MBNL2: variants seen among roughly 807,000 people sequenced by gnomAD.
MBNL2 encodes muscleblind-like protein 2.
MBNL2 carries 17 observed loss-of-function variants against 41.9 expected under a neutral mutation model. The observed-to-expected ratio is 0.41, with a 90% CI of 0.28 to 0.61. The LOEUF is 0.61. Among genes scored for constraint, MBNL2 ranks in the 20% least tolerant of loss-of-function variants. MBNL2 has a pLI of 0.35. For synonymous variants in MBNL2, 195 were observed against 182.9 expected (o/e 1.07, Z -0.53); for missense variants, 336 against 505.6 (o/e 0.66, Z 3.22).
intron 1 of MBNL2, among the ~76,000 whole-genome samples, chr13:97,238,058 A>C (rs2043616578): frequency 6.6e-6 from 1 of 152,246 alleles, no homozygotes; most frequent in Non-Finnish European, 1.5e-5. Flanking sequence ...CCAATGGCAT[A>C]AACACACAGG....
At chr13:97,377,421 A>C (rs2065059842) in intron 8 of MBNL2, among the ~76,000 whole-genome samples, 1 of 152,224 alleles carries the variant, frequency 6.6e-6, no homozygotes, top group South Asian at 2.1e-4. Context: ...TTCAGCTTGA[A>C]TATGCAGGTT....
At chr13:97,208,104 T>G in the MBNL2 span, among the ~76,000 whole-genome samples, 25 of 152,180 alleles carry the variant, frequency 1.6e-4, no homozygotes, top group Admixed American at 5.2e-4. Flanking sequence ...TGGTGTTGAG[T>G]CCGTGAAATT....
intron 2 of MBNL2, among the ~76,000 whole-genome samples, chr13:97,329,741 C>T (rs891094380): frequency 0.035 from 5 of 142 alleles, no homozygotes; most frequent in Non-Finnish European, 0.078. Flanking sequence ...ACAACACATA[C>T]ACCATACATA....
intron 2 of MBNL2, among the ~76,000 whole-genome samples, chr13:97,296,230 A>T (rs1223912257): frequency 2.0e-5 from 3 of 152,196 alleles, no homozygotes; most frequent in Admixed American, 2.0e-4. Context: ...TCTCTGAAAG[A>T]TTTAGAACTG....
intron 1 of MBNL2, among the ~76,000 whole-genome samples, chr13:97,261,717 C>G (rs942431315): frequency 6.6e-6 from 1 of 152,198 alleles, no homozygotes; most frequent in Non-Finnish European, 1.5e-5. Context: ...ACCACTTTTG[C>G]AGCAGGTAAA....
intron 2 of MBNL2, among the ~76,000 whole-genome samples, chr13:97,322,907 C>T (rs2059621313): frequency 6.6e-6 from 1 of 152,148 alleles, no homozygotes; most frequent in Non-Finnish European, 1.5e-5. Flanking sequence ...CAGTGTGCAC[C>T]ACAGCTAGTC....
chr13:97,186,400 T>G, the MBNL2 span, among the ~76,000 whole-genome samples: 38 of 152,146 alleles, frequency 2.5e-4, no homozygotes, highest in African/African-American at 8.9e-4. Context: ...GTACACTCTA[T>G]TTTCCTGCTC....
In MBNL2 at chr13:97,295,167, A is replaced by G. The variant is rs1471297091; in HGVS notation, c.174+18758A>G. ...GAAGAGGAAGTAACTTGCTCTGTGT[A>G]AAGAACAGGGCCAATGAATGAGATC... On this transcript the variant is annotated intron_variant, in intron 2 of 8. Coordinates refer to ENST00000679496, the MANE Select transcript of MBNL2 (RefSeq NM_001382683.1). Among the ~76,000 whole-genome samples, 5 of 152,234 alleles carry G rather than the reference A, an allele frequency of 3.3e-5. 1 individual carries two copies. Among genetic ancestry groups the G allele is most frequent in the Non-Finnish European group, 7.3e-5 (5 of 68,028 alleles).
chr13:97,238,837 TG>T (rs1209461376), intron 1 of MBNL2, among the ~76,000 whole-genome samples: 4 of 152,140 alleles, frequency 2.6e-5, no homozygotes, highest in Non-Finnish European at 4.4e-5. Context: ...GGCTGCCTGC[TG>T]GGGATTCATG....
At chr13:97,145,306 C>A in the MBNL2 span, among the ~76,000 whole-genome samples, 7 of 151,270 alleles carry the variant, frequency 4.6e-5, no homozygotes, top group Admixed American at 4.6e-4. Context: ...CAGATAGAAG[C>A]TAAACAAAGG....
the MBNL2 span, among the ~76,000 whole-genome samples, chr13:97,176,169 G>A: frequency 6.6e-6 from 1 of 152,046 alleles, no homozygotes; most frequent in Non-Finnish European, 1.5e-5. Flanking sequence ...GGACATGCTG[G>A]GTCTGACAAG....
intron 3 of MBNL2, among the ~76,000 whole-genome samples, chr13:97,335,757 A>C (rs1594227826): frequency 2.0e-5 from 3 of 152,308 alleles, no homozygotes; most frequent in African/African-American, 7.2e-5. Flanking sequence ...AGGGTGAGTA[A>C]GAATTCGCCC....
Position 97,334,148 on chromosome 13 carries a change from CCA to C in MBNL2, c.175-101_175-100del, listed in dbSNP as rs34820289. On this transcript the variant is annotated intron_variant, in intron 2 of 8. Coordinates refer to ENST00000679496, the MANE Select transcript of MBNL2 (RefSeq NM_001382683.1). This position sits in a 1 kb window ranked among gnomAD's most constrained non-coding sequence, Gnocchi z 5.3. ...AACACATGAGCATGCGCGCGCACAC[CCA>C]CACACACACACACACACACACACAC... 84,579 of 519,726 alleles carry C rather than the reference CCA, an allele frequency of 0.16. 3,451 individuals carry two copies. The highest frequency in any genetic ancestry group is 0.35 in the African/African-American group (17,004 of 49,280). The allele number at this position is 519,726 out of a possible 1,614,324, so 32.2% of individuals were successfully genotyped here.
At chr13:97,186,820 T>C in the MBNL2 span, among the ~76,000 whole-genome samples, 1 of 152,154 alleles carries the variant, frequency 6.6e-6, no homozygotes, top group Non-Finnish European at 1.5e-5. Flanking sequence ...AATACAGGCA[T>C]TGATATTTTG....
intron 2 of MBNL2, among the ~76,000 whole-genome samples, chr13:97,295,694 C>A (rs1349672191): frequency 6.6e-6 from 1 of 152,038 alleles, no homozygotes; most frequent in Non-Finnish European, 1.5e-5. Flanking sequence ...CAGGAGATGA[C>A]AGGATAGGAC....
chr13:97,169,468 C>A, the MBNL2 span, among the ~76,000 whole-genome samples: 1 of 152,206 alleles, frequency 6.6e-6, no homozygotes, highest in African/African-American at 2.4e-5. Context: ...CATGTGTCCC[C>A]AACCAGAGGC....
intron 5 of MBNL2, among the ~76,000 whole-genome samples, chr13:97,350,389 TAATTTCTTAAAAATAC>T (rs1329347489): frequency 9.9e-5 from 15 of 152,228 alleles, no homozygotes; most frequent in Non-Finnish European, 1.3e-4. Flanking sequence ...ATGGCTGTGG[TAATTTCTTAAAAATAC>T]AATTTCTTAA....
upstream of MBNL2, among the ~76,000 whole-genome samples, chr13:97,217,850 A>G (rs1238577483): frequency 6.6e-6 from 1 of 152,054 alleles, no homozygotes; most frequent in Non-Finnish European, 1.5e-5. Flanking sequence ...GGAACAGGTA[A>G]AAGGTGGTGG....
chr13:97,172,913 A>T, the MBNL2 span: 22 of 152,164 alleles, frequency 1.4e-4, no homozygotes, highest in African/African-American at 4.8e-4. Flanking sequence ...CTCGAAAAAA[A>T]ATATATAGAT....
Sources: gnomAD v4.1 joint callset for allele counts (sites outside exome capture counted in the v4.1 genomes callset) on GRCh38, gnomAD v4.1.1 for gene constraint, Gnocchi (gnomAD v3.1) non-coding constraint, MANE v1.5 for transcripts, NCBI Gene and HGNC (gene_info 2026-07-23, HGNC 2026-07-21) for gene names.